Variants in CWC22 observed in about 807,000 individuals in gnomAD.
The protein encoded by CWC22 is CWC22 spliceosome associated protein, also known as pre-mRNA-splicing factor CWC22 homolog.
Under a neutral mutation model 117.2 loss-of-function variants are expected in CWC22, and 53 were observed. The ratio of observed to expected loss-of-function variants is 0.45; its 90% CI spans 0.36 to 0.57. CWC22 has a LOEUF of 0.57. CWC22 is among the 20% of genes least tolerant of loss of function. CWC22 has a pLI of 0.00. For synonymous variants in CWC22, 360 were observed against 355.6 expected (o/e 1.01, Z -0.14); for missense variants, 980 against 1,068.8 (o/e 0.92, Z 1.16).
rs1469512738 is a variant in CWC22, at chr2:179,945,107, C to CA, written c.*21dup. The CA allele has an allele frequency of 6.6e-7, 1 of 1,517,238 alleles. No homozygotes were observed. The highest frequency in any genetic ancestry group is 1.4e-5 in the African/African-American group (1 of 71,584). 94.0% of individuals were successfully genotyped at this position (1,517,238 alleles called of 1,614,324 possible). On this transcript the variant is annotated 3_prime_UTR_variant, in exon 20 of 20. Transcript: ENST00000410053. ...GTTTCAACTGAATATAAGGCATGTC[C>CA]AGTTTATGTCATTTTGTAGAATTAT... is the stretch of plus-strand genomic sequence containing the variant.
intron 6 of CWC22, among the ~76,000 whole-genome samples, chr2:179,976,624 G>C (rs1399372651): frequency 1.3e-5 from 2 of 152,006 alleles, no homozygotes; most frequent in African/African-American, 4.8e-5. Flanking sequence ...TTCAAAAGAT[G>C]TACAAATAGC....
chr2:179,981,644 C>CACT (rs1687290510), intron 5 of CWC22, 108 bp downstream of exon 5: 2 of 866,382 alleles, frequency 2.3e-6, no homozygotes, highest in Admixed American at 2.5e-5. Flanking sequence ...AGGTCTCTAT[C>CACT]ACTATAGACT....
At chr2:179,962,501 T>C (rs906921235) in intron 13 of CWC22, among the ~76,000 whole-genome samples, 1 of 152,052 alleles carries the variant, frequency 6.6e-6, no homozygotes, top group Non-Finnish European at 1.5e-5. Flanking sequence ...CAATTCTATA[T>C]AGTTATATAG....
chr2:179,992,421 C>T (rs1687589880), intron 2 of CWC22, among the ~76,000 whole-genome samples: 1 of 152,116 alleles, frequency 6.6e-6, no homozygotes, highest in Non-Finnish European at 1.5e-5. Context: ...CACTCTTTCC[C>T]CAGATATCGG....
chr2:179,963,766 C>T (rs1252133423), intron 13 of CWC22, among the ~76,000 whole-genome samples: 2 of 152,290 alleles, frequency 1.3e-5, no homozygotes, highest in East Asian at 3.9e-4. Context: ...AATGTTCAGA[C>T]TGAAAACAGA....
At chr2:179,994,089 T>A (rs1031856279) in intron 1 of CWC22, among the ~76,000 whole-genome samples, 10 of 152,214 alleles carry the variant, frequency 6.6e-5, no homozygotes, top group Non-Finnish European at 1.3e-4. Flanking sequence ...AGATGTGTTT[T>A]AATACTCTAA....
intron 8 of CWC22, among the ~76,000 whole-genome samples, chr2:179,972,762 C>A (rs1456040829): frequency 1.3e-5 from 2 of 151,992 alleles, no homozygotes; most frequent in South Asian, 4.1e-4. Flanking sequence ...AATCTCAACA[C>A]TTTGGGAGGC....
At chr2:179,973,086 C>A in intron 8 of CWC22, 107 bp downstream of exon 8, 1 of 511,656 alleles carries the variant, frequency 2.0e-6, no homozygotes, top group Non-Finnish European at 3.5e-6. Context: ...CATTTTTATC[C>A]CAAGGACTAT....
rs191522755 is a variant in CWC22, at chr2:179,958,392, G to A, written c.1458+630C>T. ...ATAAATTTTTCTATATCCAACTAGA[G>A]CAATGTAATATGTGCTGTGATCTTT... On this transcript the variant is annotated intron_variant, in intron 14 of 19. Transcript: ENST00000410053. Among the ~76,000 whole-genome samples, 329 of 150,508 alleles carry A rather than the reference G, an allele frequency of 2.2e-3. 1 individual carries two copies. The highest frequency in any genetic ancestry group is 7.1e-3 in the African/African-American group (291 of 40,966).
intron 1 of CWC22, among the ~76,000 whole-genome samples, chr2:180,002,717 A>G (rs1687875768): frequency 6.6e-6 from 1 of 152,230 alleles, no homozygotes; most frequent in African/African-American, 2.4e-5. Flanking sequence ...AGAAAGAAGT[A>G]GGTCTTGAAG....
intron 11 of CWC22, among the ~76,000 whole-genome samples, chr2:179,969,128 C>G (rs35789383): frequency 4.1e-4 from 63 of 152,118 alleles, no homozygotes; most frequent in African/African-American, 1.3e-3. Flanking sequence ...GGCCAATTGC[C>G]TAGATGCTAA....
chr2:179,960,298 A>G (rs924714743), intron 13 of CWC22, among the ~76,000 whole-genome samples: 5 of 152,022 alleles, frequency 3.3e-5, no homozygotes, highest in Non-Finnish European at 4.4e-5. Flanking sequence ...GTGCTTCCCA[A>G]TGCTCAAGGT....
intron 15 of CWC22, 113 bp downstream of exon 15, chr2:179,954,844 T>C: frequency 1.5e-6 from 1 of 658,234 alleles, no homozygotes; most frequent in Non-Finnish European, 2.7e-6. Context: ...AGAGAATAAT[T>C]TGCTTTTAGC....
intron 14 of CWC22, among the ~76,000 whole-genome samples, chr2:179,957,993 T>G (rs1559286522): frequency 6.6e-6 from 1 of 152,108 alleles, no homozygotes; most frequent in Non-Finnish European, 1.5e-5. Flanking sequence ...TCTTGTGGTG[T>G]GCCTGACATA....
chr2:179,997,170 A>C (rs1687725508), intron 1 of CWC22, among the ~76,000 whole-genome samples: 1 of 152,116 alleles, frequency 6.6e-6, no homozygotes, highest in Non-Finnish European at 1.5e-5. Flanking sequence ...ATGTAGCCAG[A>C]GTATATATAT....
intron 11 of CWC22, among the ~76,000 whole-genome samples, chr2:179,968,970 C>T (rs998538169): frequency 2.6e-5 from 4 of 152,064 alleles, no homozygotes; most frequent in Admixed American, 2.6e-4. Context: ...ATTGTTTTAA[C>T]CTTTAATATA....
intron 11 of CWC22, among the ~76,000 whole-genome samples, chr2:179,968,021 C>T (rs1686935183): frequency 6.6e-6 from 1 of 152,098 alleles, no homozygotes; most frequent in Non-Finnish European, 1.5e-5. Flanking sequence ...AGTTCCCCGA[C>T]ACTTAGATTT....
chr2:179,971,155 A>G (rs575951563), intron 8 of CWC22, 79 bp from the exon 9 acceptor site: 1 of 1,024,438 alleles, frequency 9.8e-7, no homozygotes, highest in East Asian at 2.7e-5. Flanking sequence ...TCTAAAAATT[A>G]GTAAATCTGT....
At chr2:180,005,378 C>T (rs1687946279) in intron 1 of CWC22, among the ~76,000 whole-genome samples, 1 of 152,162 alleles carries the variant, frequency 6.6e-6, no homozygotes, top group Non-Finnish European at 1.5e-5. Flanking sequence ...GAGACAGACA[C>T]CATCCTGGCT....
Sources: allele counts gnomAD v4.1 joint callset (sites outside exome capture counted in the v4.1 genomes callset), GRCh38; gene constraint gnomAD v4.1.1; transcripts MANE v1.5; gene names NCBI Gene and HGNC (gene_info 2026-07-23, HGNC 2026-07-21).